Variants in KCTD8 observed in about 807,000 individuals in gnomAD.
KCTD8 encodes the protein BTB/POZ domain-containing protein KCTD8.
Under a neutral mutation model 31.5 loss-of-function variants are expected in KCTD8, and 27 were observed. The ratio of observed to expected loss-of-function variants is 0.86; its 90% confidence interval spans 0.63 to 1.18. KCTD8 has a LOEUF of 1.18. Among genes scored for constraint, KCTD8 ranks in the 50% most tolerant of loss-of-function variants. The pLI, the probability that KCTD8 is intolerant of heterozygous loss-of-function variation, is 0.00. For synonymous variants in KCTD8, 290 were observed against 280.0 expected (o/e 1.04, Z -0.36); for missense variants, 658 against 647.7 (o/e 1.02, Z -0.17).
At chr4:44,443,308 A>C (rs1008538207) in intron 1 of KCTD8, among the ~76,000 whole-genome samples, 8 of 152,230 alleles carry the variant, frequency 5.3e-5, no homozygotes, top group African/African-American at 1.9e-4. Context: ...TAATCAAAGA[A>C]GTATTTTTAG....
At chr4:44,190,061 A>G (rs1166810472) in intron 1 of KCTD8, among the ~76,000 whole-genome samples, 1 of 152,162 alleles carries the variant, frequency 6.6e-6, no homozygotes, top group Non-Finnish European at 1.5e-5. Context: ...CTCTTACTGA[A>G]TCAACTGTAA....
At chr4:44,195,262 T>C (rs1458070777) in intron 1 of KCTD8, among the ~76,000 whole-genome samples, 3 of 152,046 alleles carry the variant, frequency 2.0e-5, no homozygotes, top group Non-Finnish European at 1.5e-5. Flanking sequence ...TAAGGATTGA[T>C]TAGTAAAGAC....
At chr4:44,436,796 A>C (rs1425416616) in intron 1 of KCTD8, among the ~76,000 whole-genome samples, 1 of 152,154 alleles carries the variant, frequency 6.6e-6, no homozygotes, top group Non-Finnish European at 1.5e-5. Context: ...ACTTTAAAAA[A>C]AATGACAATA....
chr4:44,264,269 A>G (rs1276850208), intron 1 of KCTD8, among the ~76,000 whole-genome samples: 1 of 152,214 alleles, frequency 6.6e-6, no homozygotes, highest in Non-Finnish European at 1.5e-5. Flanking sequence ...GAATTTTTTA[A>G]AAATATTAGC....
chr4:44,312,065 T>C (rs1017546659), intron 1 of KCTD8, among the ~76,000 whole-genome samples: 3 of 152,060 alleles, frequency 2.0e-5, no homozygotes, highest in Non-Finnish European at 2.9e-5. Context: ...CTATTCATGA[T>C]TTTTTAAAAA....
At chr4:44,415,212 G>A (rs1721046257) in intron 1 of KCTD8, among the ~76,000 whole-genome samples, 1 of 152,168 alleles carries the variant, frequency 6.6e-6, no homozygotes, top group Non-Finnish European at 1.5e-5. Context: ...AAATTTCTAA[G>A]CAGCAAGGTG....
At chr4:44,250,360 T>A (rs1715791808) in intron 1 of KCTD8, among the ~76,000 whole-genome samples, 1 of 151,854 alleles carries the variant, frequency 6.6e-6, no homozygotes, top group Non-Finnish European at 1.5e-5. Context: ...GTTGTTTTAA[T>A]ACTAATTGCT....
chr4:44,218,479 A>G (rs1432757039), intron 1 of KCTD8, among the ~76,000 whole-genome samples: 1 of 151,208 alleles, frequency 6.6e-6, no homozygotes, highest in Non-Finnish European at 1.5e-5. Flanking sequence ...CAAAGGATAA[A>G]TGCTTGAGGA....
At chr4:44,427,022 C>T (rs1721366405) in intron 1 of KCTD8, among the ~76,000 whole-genome samples, 1 of 151,564 alleles carries the variant, frequency 6.6e-6, no homozygotes, top group African/African-American at 2.4e-5. Flanking sequence ...ATTCACTATA[C>T]TAGTAGACTA....
At chr4:44,425,803 T>C (rs1365174834) in intron 1 of KCTD8, among the ~76,000 whole-genome samples, 1 of 151,900 alleles carries the variant, frequency 6.6e-6, no homozygotes, top group Non-Finnish European at 1.5e-5. Flanking sequence ...AACATCCTTG[T>C]GGGATGATGA....
intron 1 of KCTD8, among the ~76,000 whole-genome samples, chr4:44,287,348 A>G (rs1482826437): frequency 6.6e-6 from 1 of 152,184 alleles, no homozygotes; most frequent in Non-Finnish European, 1.5e-5. Flanking sequence ...TGAATTATTT[A>G]AGCATATCTT....
intron 1 of KCTD8, among the ~76,000 whole-genome samples, chr4:44,212,844 C>G (rs73245587): frequency 0.065 from 9,876 of 152,186 alleles, 449 homozygotes; most frequent in Non-Finnish European, 0.096. Flanking sequence ...TGATTACTGA[C>G]AATAACTGGT....
intron 1 of KCTD8, among the ~76,000 whole-genome samples, chr4:44,374,925 G>A (rs766425610): frequency 5.3e-5 from 8 of 152,156 alleles, no homozygotes; most frequent in African/African-American, 7.2e-5. Flanking sequence ...TGAAGTGAGC[G>A]CATGCTGTCA....
intron 1 of KCTD8, among the ~76,000 whole-genome samples, chr4:44,235,524 ATT>A (rs1715250532): frequency 2.3e-4 from 10 of 44,018 alleles, no homozygotes; most frequent in African/African-American, 6.9e-4. Flanking sequence ...GAGACACTGG[ATT>A]ATATATATAT....
intron 1 of KCTD8, among the ~76,000 whole-genome samples, chr4:44,235,572 TATA>T (rs1715263350): frequency 6.2e-4 from 33 of 53,216 alleles, no homozygotes; most frequent in Admixed American, 2.8e-3. Flanking sequence ...TATATATATA[TATA>T]TTTAGAGAGA....
chr4:44,203,504 A>G (rs1360110090), intron 1 of KCTD8, among the ~76,000 whole-genome samples: 1 of 151,316 alleles, frequency 6.6e-6, no homozygotes, highest in Non-Finnish European at 1.5e-5. Context: ...TCAAAAAAAA[A>G]AAAAAAAAAA....
chr4:44,327,555 A>C (rs1718481380), intron 1 of KCTD8, among the ~76,000 whole-genome samples: 1 of 151,810 alleles, frequency 6.6e-6, no homozygotes, highest in Non-Finnish European at 1.5e-5. Context: ...TGAAATAATC[A>C]AGGCTCAGGA....
At chr4:44,361,811 T>C (rs1171536975) in intron 1 of KCTD8, among the ~76,000 whole-genome samples, 1 of 152,106 alleles carries the variant, frequency 6.6e-6, no homozygotes, top group African/African-American at 2.4e-5. Flanking sequence ...AAAGCTTTCT[T>C]TGTGTCTGAT....
At chr4:44,215,576 T>C (rs1714624175) in intron 1 of KCTD8, among the ~76,000 whole-genome samples, 1 of 152,142 alleles carries the variant, frequency 6.6e-6, no homozygotes, top group Non-Finnish European at 1.5e-5. Flanking sequence ...AATTAGGAGG[T>C]CAATAAGTCA....
Sources: allele counts gnomAD v4.1 joint callset (sites outside exome capture counted in the v4.1 genomes callset), GRCh38; gene constraint gnomAD v4.1.1; transcripts MANE v1.5; gene names NCBI Gene and HGNC (gene_info 2026-07-23, HGNC 2026-07-21).